The following TMTC1 variants were observed in gnomAD, a reference collection of about 807,000 sequenced individuals.
TMTC1 encodes transmembrane O-mannosyltransferase targeting cadherins 1, also known as protein O-mannosyl-transferase TMTC1.
TMTC1 carries 73 observed loss-of-function variants against 104.8 expected under a neutral mutation model. The ratio of observed to expected loss-of-function variants is 0.70; its 90% CI spans 0.58 to 0.85. The LOEUF (loss-of-function observed/expected upper bound fraction) is 0.85, where lower values mean the gene tolerates loss of function less well. TMTC1 is among the 40% of genes least tolerant of loss of function. The pLI is 0.00. For missense variants in TMTC1, 1,035 were observed against 1,096.1 expected (o/e 0.94, Z 0.79); for synonymous variants, 434 against 428.7 (o/e 1.01, Z -0.15).
rs1943204957 is a variant in TMTC1, at chr12:29,755,883, C to G, written c.557G>C (p.Ser186Thr). 3.1e-6 allele frequency: 5 copies of G among 1,612,278 alleles called. No individual in the cohort carries two copies. The highest frequency in any genetic ancestry group is 1.7e-5 in the Admixed American group (1 of 59,506). Residue 186 changes from serine to threonine, a missense_variant and splice_region_variant, in exon 4 of 18, where the codon AGT (serine) becomes ACT (threonine). Coordinates refer to ENST00000539277, the MANE Select transcript of TMTC1 (RefSeq NM_001193451.2). Reference protein sequence around the residue: ...FLLAFLSYNRSLDQGCVGGSF... With the variant: ...FLLAFLSYNRTLDQGCVGGSF... ...TCCCCCAACACAGCCCTGATCCAGA[C>G]TCCTGAAAAACAAGTTGGAGATTCT...
chr12:29,518,342 A>G, intron 13 of TMTC1, 130 bp downstream of exon 13: 2 of 1,040,894 alleles, frequency 1.9e-6, no homozygotes, highest in Non-Finnish European at 2.7e-6. Context: ...TGGAGATAAA[A>G]ATTTGTATCA....
At chr12:29,739,347 C>A (rs1246271991) in intron 5 of TMTC1, among the ~76,000 whole-genome samples, 1 of 152,098 alleles carries the variant, frequency 6.6e-6, no homozygotes, top group Non-Finnish European at 1.5e-5. Flanking sequence ...CAGTTGCACA[C>A]CTCTGTGTCT....
chr12:29,624,472 T>C (rs946285024), intron 6 of TMTC1, among the ~76,000 whole-genome samples: 1 of 152,186 alleles, frequency 6.6e-6, no homozygotes, highest in African/African-American at 2.4e-5. Flanking sequence ...TCGCACACAC[T>C]CGCTCCTTAA....
At chr12:29,723,480 G>C (rs1294945657) in intron 5 of TMTC1, among the ~76,000 whole-genome samples, 1 of 152,136 alleles carries the variant, frequency 6.6e-6, no homozygotes, top group Non-Finnish European at 1.5e-5. Context: ...CAGCACTTTG[G>C]GAGGCCAAGG....
chr12:29,613,337 G>A (rs1946894843), intron 6 of TMTC1, among the ~76,000 whole-genome samples: 1 of 152,208 alleles, frequency 6.6e-6, no homozygotes, highest in African/African-American at 2.4e-5. Flanking sequence ...CTAGATGGGT[G>A]CCTGTGAGAA....
At chr12:29,550,571 G>A (rs543273012) in intron 10 of TMTC1, among the ~76,000 whole-genome samples, 5 of 152,214 alleles carry the variant, frequency 3.3e-5, no homozygotes, top group African/African-American at 9.6e-5. Flanking sequence ...AAGAGTTTAA[G>A]CTCAAAGAGG....
At chr12:29,769,895 T>A (rs1345372455) in intron 1 of TMTC1, among the ~76,000 whole-genome samples, 2 of 151,948 alleles carry the variant, frequency 1.3e-5, no homozygotes, top group African/African-American at 2.4e-5. Flanking sequence ...ACAAGAAAAG[T>A]TTGTATAAAA....
Position 29,503,354 on chromosome 12 carries a change from T to A in TMTC1, c.*3492A>T, listed in dbSNP as rs576430624. 1 of 152,360 alleles carries A rather than the reference T, an allele frequency of 6.6e-6. No homozygotes were observed. The highest frequency in any genetic ancestry group is 6.5e-5 in the Admixed American group (1 of 15,304). 9.4% of individuals were successfully genotyped at this position (152,360 alleles called of 1,614,324 possible). ...ACCTATGTTGTATCACTGAAACATG[T>A]TTTATAAATACTGTTAACAGATTGA... On this transcript the variant is annotated 3_prime_UTR_variant, in exon 18 of 18. Coordinates refer to ENST00000539277, the MANE Select transcript of TMTC1 (RefSeq NM_001193451.2).
In TMTC1 at chr12:29,506,954, C is replaced by A. The variant is rs764795519; in HGVS notation, c.2541G>T (p.Glu847Asp). The change falls in exon 18 of 18, where the codon GAG (glutamate) becomes GAT (aspartate). Residue 847 changes from glutamate to aspartate, a missense_variant. Transcript: ENST00000539277. Reference sequence around the variant, plus strand: ...TGTCTGGAACCAGCTGTAAGGCTCTCTCATAATAAGCTCTTGCAGACACAT... The same window carrying A: ...TGTCTGGAACCAGCTGTAAGGCTCTATCATAATAAGCTCTTGCAGACACAT... ...GKYVSARAYY[E>D]RALQLVPDSK... is the part of the protein sequence containing the mutation. The A allele has an allele frequency of 6.2e-6, 10 of 1,614,006 alleles. No individual in the cohort carries two copies. The highest frequency in any genetic ancestry group is 8.5e-6 in the Non-Finnish European group (10 of 1,179,862).
At chr12:29,650,943 C>G (rs576592200) in intron 5 of TMTC1, among the ~76,000 whole-genome samples, 3 of 152,198 alleles carry the variant, frequency 2.0e-5, no homozygotes, top group East Asian at 3.8e-4. Flanking sequence ...TTCAACATTT[C>G]TTGTTGTTGT....
At chr12:29,617,905 T>C (rs900495159) in intron 6 of TMTC1, among the ~76,000 whole-genome samples, 15 of 152,096 alleles carry the variant, frequency 9.9e-5, no homozygotes, top group African/African-American at 3.6e-4. Flanking sequence ...CACCAGAAGA[T>C]TATAAATACA....
intron 16 of TMTC1, among the ~76,000 whole-genome samples, chr12:29,512,604 G>A (rs926504855): frequency 6.6e-6 from 1 of 152,120 alleles, no homozygotes; most frequent in Admixed American, 6.5e-5. Context: ...GTGGATCACC[G>A]CCTCTTTAAG....
chr12:29,647,817 T>TC (rs1266580849), intron 5 of TMTC1, among the ~76,000 whole-genome samples: 1 of 152,182 alleles, frequency 6.6e-6, no homozygotes, highest in Non-Finnish European at 1.5e-5. Flanking sequence ...TCACTGAAAA[T>TC]CCTATGTTAT....
At position 29,777,067 on chromosome 12, in the gene TMTC1, G is replaced by T. The variant is rs183287920; in HGVS notation, c.302+6383C>A. Among the ~76,000 whole-genome samples, 79 of 151,840 alleles carry T rather than the reference G, an allele frequency of 5.2e-4. 1 individual carries two copies. The highest frequency in any genetic ancestry group is 4.2e-3 in the Admixed American group (64 of 15,182). Reference sequence around the variant, plus strand: ...GGGAAAGAAACACTGCCATTGTGTGGGCATGATCAGGCATTCCTTACCCCC... The same window carrying T: ...GGGAAAGAAACACTGCCATTGTGTGTGCATGATCAGGCATTCCTTACCCCC... On this transcript the variant is annotated intron_variant, in intron 1 of 17. Transcript: ENST00000539277.
chr12:29,660,797 T>C (rs983973351), intron 5 of TMTC1: 50 of 1,178,412 alleles, frequency 4.2e-5, no homozygotes, highest in Non-Finnish European at 5.0e-5. Context: ...TATATATATA[T>C]ACTTACATAA....
intron 2 of TMTC1, among the ~76,000 whole-genome samples, chr12:29,762,826 T>A (rs1233161229): frequency 6.6e-6 from 1 of 152,228 alleles, no homozygotes. Flanking sequence ...TTCAGCTCAG[T>A]CTCACAGGCT....
At position 29,603,877 on chromosome 12, in the gene TMTC1, C is replaced by A. The variant is rs159713; in HGVS notation, c.1250+301G>T. ...GTATTATAATTCTGTTTAATAACACCCATTTAGACATAGATGTAGTGATAA... is the reference window on the plus strand; with the variant it reads ...GTATTATAATTCTGTTTAATAACACACATTTAGACATAGATGTAGTGATAA... On this transcript the variant is annotated intron_variant, in intron 7 of 17. Coordinates refer to ENST00000539277, the MANE Select transcript of TMTC1 (RefSeq NM_001193451.2). 0.51 allele frequency among the ~76,000 whole-genome samples: 78,131 copies of A among 151,954 alleles called. 22,428 individuals are homozygous for A. The highest frequency in any genetic ancestry group is 0.78 in the African/African-American group (32,352 of 41,470).
At chr12:29,553,075 C>T (rs1436249850) in intron 10 of TMTC1, among the ~76,000 whole-genome samples, 7 of 152,174 alleles carry the variant, frequency 4.6e-5, no homozygotes, top group Admixed American at 4.6e-4. Context: ...AAGAGAGATG[C>T]AGGGTGGTCC....
chr12:29,599,210 AAGAT>A (rs1181312108), intron 7 of TMTC1, among the ~76,000 whole-genome samples: 3 of 152,380 alleles, frequency 2.0e-5, no homozygotes, highest in African/African-American at 4.8e-5. Context: ...AAACACAAAA[AAGAT>A]AGCCATAAAA....
Sources: gnomAD v4.1 joint callset for allele counts (sites outside exome capture counted in the v4.1 genomes callset) on GRCh38, gnomAD v4.1.1 for gene constraint, MANE v1.5 for transcripts, NCBI Gene and HGNC (gene_info 2026-07-23, HGNC 2026-07-21) for gene names.